The following SIPA1L1 variants were observed in gnomAD, a reference collection of about 807,000 sequenced individuals.
The protein encoded by SIPA1L1 is signal-induced proliferation-associated 1-like protein 1.
Under a neutral mutation model 162.7 loss-of-function variants are expected in SIPA1L1, and 26 were observed. The observed-to-expected ratio is 0.16, with a 90% CI of 0.12 to 0.22. The LOEUF is 0.22. SIPA1L1 is among the 10% of genes least tolerant of loss of function. The pLI is 1.00. For synonymous variants in SIPA1L1, 829 were observed against 837.4 expected, an observed-to-expected ratio of 0.99 and a Z score of 0.17; for missense variants, 1,874 against 2,241.0, an observed-to-expected ratio of 0.84 and a Z score of 3.31.
At chr14:71,463,334 A>G (rs1002775238) in intron 2 of SIPA1L1, among the ~76,000 whole-genome samples, 22 of 152,186 alleles carry the variant, frequency 1.4e-4, no homozygotes, top group Non-Finnish European at 2.8e-4. Context: ...GCACTGGGAA[A>G]TGACCACAGG....
chr14:71,734,736 T>C (rs2085129073), intron 21 of SIPA1L1, among the ~76,000 whole-genome samples: 1 of 152,184 alleles, frequency 6.6e-6, no homozygotes, highest in Non-Finnish European at 1.5e-5. Context: ...TTAATCTCCT[T>C]CATATACAAA....
At chr14:71,577,256 G>T (rs2033193736) in intron 4 of SIPA1L1, among the ~76,000 whole-genome samples, 1 of 152,100 alleles carries the variant, frequency 6.6e-6, no homozygotes. Context: ...CTGGACTGCA[G>T]AAGTGGTACA....
intron 13 of SIPA1L1, among the ~76,000 whole-genome samples, chr14:71,697,129 C>A (rs1244109056): frequency 6.6e-6 from 1 of 152,010 alleles, no homozygotes; most frequent in African/African-American, 2.4e-5. Flanking sequence ...TTTTAGCAGT[C>A]TGTTGACTTG....
intron 2 of SIPA1L1, among the ~76,000 whole-genome samples, chr14:71,354,657 T>C (rs1378945616): frequency 6.6e-6 from 1 of 152,148 alleles, no homozygotes; most frequent in Non-Finnish European, 1.5e-5. Context: ...CATGTGTAGT[T>C]GTAGTAAAGC....
At chr14:71,495,090 G>C (rs1374065992) in intron 2 of SIPA1L1, among the ~76,000 whole-genome samples, 3 of 152,144 alleles carry the variant, frequency 2.0e-5, no homozygotes, top group Non-Finnish European at 2.9e-5. Flanking sequence ...TTGGTTCATT[G>C]TTTTCTTATT....
At chr14:71,434,826 C>G (rs936044324) in intron 2 of SIPA1L1, among the ~76,000 whole-genome samples, 1 of 152,186 alleles carries the variant, frequency 6.6e-6, no homozygotes. Context: ...AGTGATCCTC[C>G]CACCTTGGCC....
intron 2 of SIPA1L1, among the ~76,000 whole-genome samples, chr14:71,446,502 G>T (rs545179578): frequency 6.6e-6 from 1 of 152,148 alleles, no homozygotes; most frequent in Non-Finnish European, 1.5e-5. Flanking sequence ...AGGAGTTCCA[G>T]GCTGCAGCTG....
intron 2 of SIPA1L1, among the ~76,000 whole-genome samples, chr14:71,488,943 T>A (rs955328771): frequency 4.6e-5 from 7 of 152,206 alleles, no homozygotes; most frequent in African/African-American, 1.7e-4. Flanking sequence ...TGTGAAGAAG[T>A]AAATTCCAGG....
chr14:71,657,337 G>T (rs1416328412), intron 8 of SIPA1L1, among the ~76,000 whole-genome samples: 2 of 125,626 alleles, frequency 1.6e-5, no homozygotes, highest in Admixed American at 1.7e-4. Context: ...GACAGAGTGA[G>T]ACTGTCTCAA....
In SIPA1L1 at chr14:71,673,867, A is replaced by G. The variant is rs576746978; in HGVS notation, c.3104+1245A>G. Among the ~76,000 whole-genome samples, 4 of 152,206 alleles carry G rather than the reference A, an allele frequency of 2.6e-5. No homozygotes were observed. In the East Asian group the frequency reaches 5.8e-4, roughly 22 times the overall value. On this transcript the variant is annotated intron_variant, in intron 12 of 23. Coordinates refer to ENST00000381232, the MANE Select transcript of SIPA1L1 (RefSeq NM_001386936.1). The stretch of plus-strand genomic sequence containing the variant: ...TAGTTAACCAGGTCTAATGAACCTT[A>G]TTAGCCTTTTCTGGTTTCCCCAAGC...
chr14:71,611,093 C>G (rs1416843767), intron 5 of SIPA1L1, among the ~76,000 whole-genome samples: 1 of 152,144 alleles, frequency 6.6e-6, no homozygotes, highest in Admixed American at 6.5e-5. Flanking sequence ...CTCATGGAAC[C>G]TCCACCCTTA....
Position 71,531,612 on chromosome 14 carries a change from G to A in SIPA1L1, c.-303+2242G>A, listed in dbSNP as rs140920413. On this transcript the variant is annotated intron_variant, in intron 4 of 23. Coordinates refer to ENST00000381232, the MANE Select transcript of SIPA1L1 (RefSeq NM_001386936.1). ...CAGGGTCTCACTCTGTTGCCCAGGC[G>A]GGAGTACAGTGGTGCAATCTCAGCT... Among the ~76,000 whole-genome samples the A allele has an allele frequency of 1.7e-3, 265 of 151,954 alleles. 1 individual carries two copies. The highest frequency in any genetic ancestry group is 6.2e-3 in the African/African-American group (256 of 41,456).
intron 2 of SIPA1L1, among the ~76,000 whole-genome samples, chr14:71,364,011 T>A (rs2038047854): frequency 6.6e-6 from 1 of 152,218 alleles, no homozygotes; most frequent in Non-Finnish European, 1.5e-5. Context: ...CTCAGAAACC[T>A]TTTACGCTGT....
intron 2 of SIPA1L1, among the ~76,000 whole-genome samples, chr14:71,397,974 A>G (rs2041344172): frequency 7.0e-6 from 1 of 141,964 alleles, no homozygotes; most frequent in African/African-American, 2.6e-5. Context: ...TGAAAGGTTG[A>G]TGGCCTAACT....
At chr14:71,729,225 G>A (rs1390613529) in intron 19 of SIPA1L1, among the ~76,000 whole-genome samples, 5 of 151,972 alleles carry the variant, frequency 3.3e-5, no homozygotes, top group African/African-American at 1.2e-4. Context: ...TAGTAGAGAC[G>A]GGGTTTCACC....
intron 2 of SIPA1L1, among the ~76,000 whole-genome samples, chr14:71,437,079 A>G (rs758471363): frequency 1.3e-5 from 2 of 152,028 alleles, no homozygotes; most frequent in East Asian, 1.9e-4. Flanking sequence ...TTGAATTTCT[A>G]AAAGAATATC....
chr14:71,608,467 A>AT (rs892204656), intron 5 of SIPA1L1, among the ~76,000 whole-genome samples: 4 of 151,954 alleles, frequency 2.6e-5, no homozygotes, highest in African/African-American at 9.7e-5. Context: ...TTAGATGTTA[A>AT]TTTTTTTTCC....
At chr14:71,548,173 T>G (rs905525642) in intron 4 of SIPA1L1, among the ~76,000 whole-genome samples, 1 of 152,228 alleles carries the variant, frequency 6.6e-6, no homozygotes, top group Non-Finnish European at 1.5e-5. Context: ...GCATTTAATT[T>G]TTTTCAAATT....
intron 2 of SIPA1L1, chr14:71,467,106 A>G (rs2047061175): frequency 6.6e-6 from 1 of 152,210 alleles, no homozygotes; most frequent in Admixed American, 6.5e-5. Flanking sequence ...AAGCAATTCC[A>G]TTGCCATTTC....
Sources: gnomAD v4.1 joint callset for allele counts (sites outside exome capture counted in the v4.1 genomes callset) on GRCh38, gnomAD v4.1.1 for gene constraint, MANE v1.5 for transcripts, NCBI Gene and HGNC (gene_info 2026-07-23, HGNC 2026-07-21) for gene names.